The following FSIP1 variants were observed in gnomAD, a reference collection of about 807,000 sequenced individuals.
The protein encoded by FSIP1 is fibrous sheath-interacting protein 1.
A neutral mutation model predicts 60.9 loss-of-function variants in FSIP1; 65 were observed. The ratio of observed to expected loss-of-function variants is 1.07; its 90% CI spans 0.87 to 1.31. The LOEUF (loss-of-function observed/expected upper bound fraction) is 1.31, where lower values mean the gene tolerates loss of function less well. Ranked by LOEUF, FSIP1 falls within the 40% of genes most tolerant of loss-of-function variation. The pLI, the probability that FSIP1 is intolerant of heterozygous loss-of-function variation, is 0.00. For synonymous variants in FSIP1, 209 were observed against 221.2 expected, an observed-to-expected ratio of 0.94 and a Z score of 0.49; for missense variants, 675 against 665.5, an observed-to-expected ratio of 1.01 and a Z score of -0.16.
In FSIP1 at chr15:39,741,805, C is replaced by T. The variant is rs758334364; in HGVS notation, c.655G>A (p.Asp219Asn). 1 of 1,492,230 alleles carries T rather than the reference C, an allele frequency of 6.7e-7. No individual in the cohort carries two copies. The highest frequency in any genetic ancestry group is 2.3e-5 in the East Asian group (1 of 44,160). The allele number at this position is 1,492,230 out of a possible 1,614,324, so 92.4% of individuals were successfully genotyped here. Residue 219 changes from aspartate to asparagine, a missense_variant and splice_region_variant, in exon 6 of 12, where the codon GAT becomes AAT. Physicochemically the swap from Asp to Asn is conservative, Grantham distance 23. Coordinates refer to ENST00000350221, the MANE Select transcript of FSIP1 (RefSeq NM_152597.5). ...YEMQMQKLNKDFTCDVERNES... is the reference protein window; with the variant it reads ...YEMQMQKLNKNFTCDVERNES... ...TATAATCACACAAATTTAAATATAC[C>T]TTTATTGAGTTTCTGCATCTGCATT...
At chr15:39,740,500 T>C (rs1896768341) in intron 6 of FSIP1, among the ~76,000 whole-genome samples, 2 of 152,196 alleles carry the variant, frequency 1.3e-5, no homozygotes, top group African/African-American at 4.8e-5. Flanking sequence ...ATGTGAACCC[T>C]TCATTAAAGC....
intron 10 of FSIP1, among the ~76,000 whole-genome samples, chr15:39,635,916 G>C (rs1013084687): frequency 1.3e-5 from 2 of 152,094 alleles, no homozygotes; most frequent in East Asian, 1.9e-4. Flanking sequence ...GAGGTCTACA[G>C]AGAACAGCCA....
chr15:39,618,513 T>C (rs1004695741), intron 10 of FSIP1, among the ~76,000 whole-genome samples: 1 of 152,126 alleles, frequency 6.6e-6, no homozygotes, highest in African/African-American at 2.4e-5. Context: ...AAAATTGGCA[T>C]ACAAGGCAGA....
chr15:39,717,157 A>G (rs1335043409), intron 9 of FSIP1, among the ~76,000 whole-genome samples: 1 of 152,176 alleles, frequency 6.6e-6, no homozygotes, highest in Non-Finnish European at 1.5e-5. Context: ...ATGTGATCCA[A>G]AAATTCAACT....
chr15:39,614,682 T>G (rs1337068697), intron 11 of FSIP1, among the ~76,000 whole-genome samples: 1 of 150,590 alleles, frequency 6.6e-6, no homozygotes, highest in Non-Finnish European at 1.5e-5. Context: ...ACCATATTCA[T>G]GGACTGAAAG....
At chr15:39,684,106 A>G (rs1241307971) in intron 10 of FSIP1, among the ~76,000 whole-genome samples, 1 of 152,240 alleles carries the variant, frequency 6.6e-6, no homozygotes, top group Non-Finnish European at 1.5e-5. Context: ...TTATATGAAA[A>G]GACAGAAGAA....
Position 39,752,842 on chromosome 15 carries a change from T to C in FSIP1, c.560-10942A>G, listed in dbSNP as rs578191790. On this transcript the variant is annotated intron_variant, in intron 5 of 11. Coordinates refer to ENST00000350221, the MANE Select transcript of FSIP1 (RefSeq NM_152597.5). ...GAACCATACAAATGCAAGATATTCA[T>C]AATAAGGGAAACTGGGGGTGGGTAT... is the stretch of plus-strand genomic sequence containing the variant. 2.0e-5 allele frequency among the ~76,000 whole-genome samples: 3 copies of C among 152,002 alleles called. No homozygotes were observed. In the East Asian group the frequency reaches 5.8e-4, roughly 29 times the overall value.
chr15:39,696,579 A>G (rs1458499326), intron 10 of FSIP1, among the ~76,000 whole-genome samples: 1 of 152,082 alleles, frequency 6.6e-6, no homozygotes, highest in Non-Finnish European at 1.5e-5. Flanking sequence ...CTACACATAC[A>G]CTCTCAGCAA....
chr15:39,739,804 G>A lies in FSIP1; in HGVS notation c.656-15C>T. 1 of 1,504,184 alleles carries A rather than the reference G, an allele frequency of 6.6e-7. No homozygotes were observed. The highest frequency in any genetic ancestry group is 8.9e-7 in the Non-Finnish European group (1 of 1,121,310). The allele number at this position is 1,504,184 out of a possible 1,614,324, so 93.2% of individuals were successfully genotyped here. ...ACAGGTAAAATCTAATATTAAAAAA[G>A]TTCAAAATTTTTTCATAATTAAAAG... is the stretch of plus-strand genomic sequence containing the variant. On this transcript the variant is annotated splice_polypyrimidine_tract_variant and intron_variant, in intron 6 of 11. Transcript: ENST00000350221.
intron 11 of FSIP1, among the ~76,000 whole-genome samples, chr15:39,609,076 A>C (rs972836423): frequency 2.0e-5 from 3 of 152,192 alleles, no homozygotes; most frequent in African/African-American, 7.2e-5. Flanking sequence ...AAGCCCACTC[A>C]TTATTATCTC....
rs1555386844 is a variant in FSIP1, at chr15:39,615,430, A to AAAAAC, written c.1699+2304_1699+2305insGTTTT. ...ACTCAATAGCAAAAAAAAAAAAAAA[A>AAAAAC]ATTAAAAAATAGGCAAAAGACCTGA... is the stretch of plus-strand genomic sequence containing the variant. On this transcript the variant is annotated intron_variant, in intron 11 of 11. Transcript: ENST00000350221. 2.0e-5 allele frequency among the ~76,000 whole-genome samples: 3 copies of AAAAAC among 147,780 alleles called. No individual in the cohort carries two copies. The East Asian group carries it at 5.8e-4, about 28-fold the overall frequency.
chr15:39,739,476 T>G (rs1896730386), intron 7 of FSIP1, among the ~76,000 whole-genome samples, 189 bp downstream of exon 7: 1 of 152,218 alleles, frequency 6.6e-6, no homozygotes, highest in Non-Finnish European at 1.5e-5. Flanking sequence ...TAGGATAGGA[T>G]GTAGTGGGTT....
chr15:39,674,777 T>TA (rs570283214), intron 10 of FSIP1, among the ~76,000 whole-genome samples: 31 of 104,786 alleles, frequency 3.0e-4, no homozygotes, highest in African/African-American at 7.7e-4. Flanking sequence ...CTGAATCTGA[T>TA]AAAAAAGTAT....
At chr15:39,636,849 G>A (rs12324131) in intron 10 of FSIP1, among the ~76,000 whole-genome samples, 1,581 of 152,192 alleles carry the variant, frequency 0.01, 35 homozygotes, top group African/African-American at 0.036. Context: ...TAGTGTACTC[G>A]TAGAAAGTCC....
chr15:39,668,788 GC>G (rs1263244468), intron 10 of FSIP1, among the ~76,000 whole-genome samples: 1 of 152,136 alleles, frequency 6.6e-6, no homozygotes, highest in East Asian at 1.9e-4. Context: ...CCTTCGCCTC[GC>G]TTTTTCTTCA....
intron 10 of FSIP1, among the ~76,000 whole-genome samples, chr15:39,681,822 G>C (rs1894174432): frequency 1.3e-5 from 2 of 152,064 alleles, no homozygotes. Context: ...TAGCAGACAA[G>C]GCAAAAAGGA....
intron 3 of FSIP1, among the ~76,000 whole-genome samples, chr15:39,769,613 A>C (rs140194250): frequency 3.3e-5 from 5 of 152,312 alleles, no homozygotes; most frequent in African/African-American, 4.8e-5. Flanking sequence ...TAATTGCTTT[A>C]TGTATACTTC....
chr15:39,673,071 T>G (rs1893783627), intron 10 of FSIP1, among the ~76,000 whole-genome samples: 1 of 152,212 alleles, frequency 6.6e-6, no homozygotes, highest in Non-Finnish European at 1.5e-5. Context: ...TTGTCAGTCC[T>G]AGAACGTATG....
chr15:39,732,482 G>A (rs1595673367), intron 8 of FSIP1, among the ~76,000 whole-genome samples: 1 of 152,046 alleles, frequency 6.6e-6, no homozygotes, highest in South Asian at 2.1e-4. Context: ...AGCCAGGGGT[G>A]GTGGCAGGCA....
Sources: allele counts gnomAD v4.1 joint callset (sites outside exome capture counted in the v4.1 genomes callset), GRCh38; gene constraint gnomAD v4.1.1; transcripts MANE v1.5; gene names NCBI Gene and HGNC (gene_info 2026-07-23, HGNC 2026-07-21).